Variants in RSPH14 observed in about 807,000 individuals in gnomAD.
RSPH14 encodes the protein radial spoke head 14 homolog.
RSPH14 carries 20 observed loss-of-function variants against 26.7 expected under a neutral mutation model. The ratio of observed to expected loss-of-function variants is 0.75; its 90% CI spans 0.53 to 1.09. RSPH14 has a LOEUF of 1.09. Among genes scored for constraint, RSPH14 ranks in the 50% least tolerant of loss-of-function variants. RSPH14 has a pLI of 0.00. For synonymous variants in RSPH14, 177 were observed against 189.3 expected, an observed-to-expected ratio of 0.93 and a Z score of 0.53; for missense variants, 449 against 457.2, an observed-to-expected ratio of 0.98 and a Z score of 0.16.
chr22:23,082,028 G>A (rs560171472), intron 4 of RSPH14, among the ~76,000 whole-genome samples: 2 of 150,752 alleles, frequency 1.3e-5, no homozygotes, highest in African/African-American at 4.9e-5. Context: ...GGGAGGCTGA[G>A]GCAGGAGAAT....
chr22:23,146,583 T>C, upstream of RSPH14: 1 of 1,612,082 alleles, frequency 6.2e-7, no homozygotes, highest in Non-Finnish European at 8.5e-7. Context: ...CTTAACTGTC[T>C]TTCTCCTGGT....
intron 4 of RSPH14, chr22:23,096,453 C>T (rs1373745849): frequency 2.6e-6 from 4 of 1,567,416 alleles, no homozygotes; most frequent in Non-Finnish European, 3.4e-6. Flanking sequence ...CTGCTTGTTC[C>T]TGCTGTCGTG....
At chr22:23,079,060 CT>C (rs1428424350) in intron 4 of RSPH14, among the ~76,000 whole-genome samples, 1 of 152,220 alleles carries the variant, frequency 6.6e-6, no homozygotes, top group Non-Finnish European at 1.5e-5. Flanking sequence ...TTATTGGCAC[CT>C]GCTTGGTGCT....
At chr22:23,161,604 A>G in the RSPH14 span, 1 of 1,501,662 alleles carries the variant, frequency 6.7e-7, no homozygotes, top group South Asian at 1.2e-5. Flanking sequence ...CTGCACACAC[A>G]CGGACAGGAA....
chr22:23,082,370 C>A (rs538309816), intron 4 of RSPH14, among the ~76,000 whole-genome samples: 63 of 144,394 alleles, frequency 4.4e-4, no homozygotes, highest in Non-Finnish European at 4.7e-4. Flanking sequence ...CACCACCACA[C>A]CTGGCTATTT....
Position 23,059,658 on chromosome 22 carries a change from G to A in RSPH14, c.851C>T (p.Pro284Leu). The change falls in exon 7 of 7, where the codon CCC becomes CTC. Residue 284 changes from proline to leucine, a missense_variant. Pro to Leu is a moderately conservative substitution (Grantham distance 98, BLOSUM62 -3). Coordinates refer to ENST00000216036, the MANE Select transcript of RSPH14 (RefSeq NM_014433.3). ...GGCATTCAGGCGCGCTATGGTCATG[G>A]GGGAGTGCAGCAGCTCCAGGAGCAG... is the stretch of plus-strand genomic sequence containing the variant. ...IGLLLELLHSPMTIARLNATK... is the reference protein window; with the variant it reads ...IGLLLELLHSLMTIARLNATK... 1 of 1,589,152 alleles carries A rather than the reference G, an allele frequency of 6.3e-7. No homozygotes were observed. Among genetic ancestry groups the A allele is most frequent in the East Asian group, 2.2e-5 (1 of 44,460 alleles).
At chr22:23,149,988 C>A (rs1175703802), upstream of RSPH14, 2 of 1,154,144 alleles carry the variant, frequency 1.7e-6, no homozygotes, top group Non-Finnish European at 1.3e-6. Context: ...AAGATCATCT[C>A]CCCTCACTGC....
At chr22:23,146,647 C>T, upstream of RSPH14, 1 of 1,614,106 alleles carries the variant, frequency 6.2e-7, no homozygotes, top group Middle Eastern at 1.6e-4. Context: ...TTTGGGGCCC[C>T]CTGTGAGCCG....
intron 4 of RSPH14, among the ~76,000 whole-genome samples, chr22:23,100,422 G>T (rs1601801630): frequency 6.6e-6 from 1 of 152,362 alleles, no homozygotes; most frequent in Non-Finnish European, 1.5e-5. Context: ...CTGAGAGACA[G>T]CTGGTCAACA....
At chr22:23,172,497 G>A in the RSPH14 span, among the ~76,000 whole-genome samples, 82 of 148,722 alleles carry the variant, frequency 5.5e-4, 1 homozygote, top group Non-Finnish European at 5.1e-4. Flanking sequence ...GGCAGATCAC[G>A]AGGTCAGGAG....
chr22:23,153,897 C>T, the RSPH14 span, among the ~76,000 whole-genome samples: 2 of 152,132 alleles, frequency 1.3e-5, no homozygotes, highest in East Asian at 3.9e-4. Context: ...CTATGTTGGC[C>T]ATGCTGATCT....
chr22:23,160,455 C>T, the RSPH14 span, among the ~76,000 whole-genome samples: 1 of 152,336 alleles, frequency 6.6e-6, no homozygotes, highest in South Asian at 2.1e-4. Flanking sequence ...CATGTGGGGG[C>T]TGACAGCAAA....
intron 4 of RSPH14, among the ~76,000 whole-genome samples, chr22:23,087,801 C>G (rs1292602254): frequency 6.6e-6 from 1 of 152,188 alleles, no homozygotes; most frequent in East Asian, 1.9e-4. Context: ...GTTTATTGAT[C>G]TGGGTGGGGC....
At chr22:23,152,368 A>T in the RSPH14 span, 1 of 1,327,804 alleles carries the variant, frequency 7.5e-7, no homozygotes, top group Non-Finnish European at 1.1e-6. Context: ...GGGGTGTCTC[A>T]CCAGCAGAGA....
upstream of RSPH14, among the ~76,000 whole-genome samples, chr22:23,142,881 C>T (rs2070625971): frequency 6.6e-6 from 1 of 152,228 alleles, no homozygotes; most frequent in Non-Finnish European, 1.5e-5. Flanking sequence ...GCTCCAGTCC[C>T]TGGGTGATGG....
chr22:23,132,685 C>A (rs938567022), intron 4 of RSPH14: 3 of 152,166 alleles, frequency 2.0e-5, no homozygotes, highest in Non-Finnish European at 1.5e-5. Context: ...TCATATACTG[C>A]TAGTGGAAGT....
chr22:23,126,207 T>C (rs2070178522), intron 4 of RSPH14, among the ~76,000 whole-genome samples: 1 of 152,200 alleles, frequency 6.6e-6, no homozygotes, highest in African/African-American at 2.4e-5. Context: ...GGATTGAGCC[T>C]CCCTTCCTAA....
At chr22:23,145,549 C>G (rs1366511127), upstream of RSPH14, 1 of 1,600,036 alleles carries the variant, frequency 6.2e-7, no homozygotes, top group African/African-American at 1.3e-5. Flanking sequence ...ACAGCCATCG[C>G]TGGTGAGTCA....
chr22:23,093,440 G>T (rs1376381805), intron 4 of RSPH14, among the ~76,000 whole-genome samples: 5 of 152,218 alleles, frequency 3.3e-5, no homozygotes, highest in African/African-American at 1.2e-4. Context: ...GCCAGGACGG[G>T]CCCTCCTCAC....
Sources: allele counts gnomAD v4.1 joint callset (sites outside exome capture counted in the v4.1 genomes callset), GRCh38; gene constraint gnomAD v4.1.1; transcripts MANE v1.5; gene names NCBI Gene and HGNC (gene_info 2026-07-23, HGNC 2026-07-21).